The following SCIN variants were observed in gnomAD, a reference collection of about 807,000 sequenced individuals.
SCIN encodes the protein scinderin.
A neutral mutation model predicts 91.8 loss-of-function variants in SCIN; 91 were observed. The observed-to-expected ratio is 0.99, with a 90% CI of 0.84 to 1.18. SCIN has a LOEUF of 1.18. Among genes scored for constraint, SCIN ranks in the 50% most tolerant of loss-of-function variants. SCIN has a pLI of 0.00. For missense variants in SCIN, 1,087 were observed against 863.9 expected, an observed-to-expected ratio of 1.26 and a Z score of -3.24; for synonymous variants, 367 against 312.6, an observed-to-expected ratio of 1.17 and a Z score of -1.84.
chr7:12,622,801 G>T lies in SCIN; in HGVS notation c.667G>T (p.Val223Phe). 9 of 1,611,194 alleles carry T rather than the reference G, an allele frequency of 5.6e-6. No individual in the cohort carries two copies. Among genetic ancestry groups the T allele is most frequent in the Non-Finnish European group, 7.6e-6 (9 of 1,178,162 alleles). ...EGSEPSELIK[V>F]LGEKPELPDG... ...GCATCCACTGCTCACTTTTTTCCAG[G>T]TCTTAGGGGAAAAGCCAGAGCTTCC... Residue 223 changes from valine to phenylalanine, a missense_variant and splice_region_variant, in exon 5 of 16, where the codon GTC (valine) becomes TTC (phenylalanine). Coordinates refer to ENST00000297029, the MANE Select transcript of SCIN (RefSeq NM_001112706.3).
intron 1 of SCIN, among the ~76,000 whole-genome samples, chr7:12,575,301 T>C (rs926630421): frequency 6.6e-6 from 1 of 151,802 alleles, no homozygotes; most frequent in Non-Finnish European, 1.5e-5. Context: ...TGTCTCTAAA[T>C]AGAGACCTTT....
At chr7:12,637,762 T>C (rs962915000) in intron 10 of SCIN, among the ~76,000 whole-genome samples, 3 of 152,118 alleles carry the variant, frequency 2.0e-5, no homozygotes. Context: ...AATGACTGAA[T>C]CCAAATTCAA....
chr7:12,598,799 C>T (rs114257968), intron 3 of SCIN, among the ~76,000 whole-genome samples: 5,169 of 152,092 alleles, frequency 0.034, 317 homozygotes, highest in African/African-American at 0.12. Flanking sequence ...GTCCTACCTA[C>T]TCAGAAGGCT....
intron 12 of SCIN, 113 bp downstream of exon 12, chr7:12,644,428 C>G: frequency 7.0e-7 from 1 of 1,436,836 alleles, no homozygotes. Context: ...TTAACAATCT[C>G]TCCATTAGTT....
chr7:12,655,810 A>C lies in SCIN; in HGVS notation c.*3095A>C, dbSNP rs1194826954. 1 of 152,216 alleles carries C rather than the reference A, an allele frequency of 6.6e-6. No individual in the cohort carries two copies. The highest frequency in any genetic ancestry group is 1.5e-5 in the Non-Finnish European group (1 of 68,042). 9.4% of individuals were successfully genotyped at this position (152,216 alleles called of 1,614,324 possible). ...GAAAGAGATACAGGTGTTCCCTAGC[A>C]AGTTAATATGCTTGTGTCTCTTCAA... is the stretch of plus-strand genomic sequence containing the variant. On this transcript the variant is annotated 3_prime_UTR_variant, in exon 16 of 16. Transcript: ENST00000297029.
chr7:12,620,938 T>C (rs1159261278), intron 4 of SCIN, among the ~76,000 whole-genome samples: 2 of 152,126 alleles, frequency 1.3e-5, no homozygotes, highest in Non-Finnish European at 2.9e-5. Flanking sequence ...GAGGCTTCTC[T>C]GTGTTTGTAC....
intron 4 of SCIN, 144 bp downstream of exon 4, chr7:12,604,807 A>G: frequency 1.5e-6 from 1 of 664,310 alleles, no homozygotes. Flanking sequence ...CCTAGCTACA[A>G]TTAGTAAGAG....
chr7:12,571,148 C>T (rs902691614), intron 1 of SCIN, 163 bp downstream of exon 1: 4 of 743,726 alleles, frequency 5.4e-6, no homozygotes, highest in African/African-American at 1.8e-5. Flanking sequence ...TTCTCCCTAC[C>T]GAAGTCAACT....
At chr7:12,652,567 T>C (rs1784103100) in intron 15 of SCIN, 21 bp from the exon 16 acceptor site, 2 of 1,609,530 alleles carry the variant, frequency 1.2e-6, no homozygotes, top group South Asian at 1.1e-5. Context: ...TGAATTTATA[T>C]GTCTTTACAA....
chr7:12,590,543 A>T (rs2115228200), intron 3 of SCIN, among the ~76,000 whole-genome samples: 1 of 151,430 alleles, frequency 6.6e-6, no homozygotes, highest in South Asian at 2.1e-4. Context: ...CGAGCTTTTG[A>T]TTTTTGACTA....
At chr7:12,644,970 G>A (rs571383950) in intron 13 of SCIN, among the ~76,000 whole-genome samples, 18 of 139,352 alleles carry the variant, frequency 1.3e-4, no homozygotes, top group African/African-American at 3.8e-4. Context: ...AGCCAAGGTC[G>A]CGCCACTCCA....
chr7:12,626,587 C>G lies in SCIN; in HGVS notation c.985C>G (p.Gln329Glu). ...QMNYSKNTQI[Q>E]VLPEGGETPI... ...TTATTATTATTTTAAATTTCAGATT[C>G]AAGTTCTTCCAGAAGGAGGTGAAAC... is the stretch of plus-strand genomic sequence containing the variant. The change falls in exon 8 of 16, where the codon CAA (glutamine) becomes GAA (glutamate). Residue 329 changes from glutamine (Q) to glutamate (E), a missense_variant. Physicochemically the swap from Gln to Glu is conservative, Grantham distance 29. Coordinates refer to ENST00000297029, the MANE Select transcript of SCIN (RefSeq NM_001112706.3). The G allele has an allele frequency of 6.5e-7, 1 of 1,537,732 alleles. No individual in the cohort carries two copies.
At position 12,652,849 on chromosome 7, in the gene SCIN, A is replaced by G. The variant is rs530841256; in HGVS notation, c.*134A>G. 9.3e-5 allele frequency: 98 copies of G among 1,053,204 alleles called. No homozygotes were observed. The highest frequency in any genetic ancestry group is 2.6e-4 in the Admixed American group (10 of 38,724). The allele number at this position is 1,053,204 out of a possible 1,614,324, so 65.2% of individuals were successfully genotyped here. On this transcript the variant is annotated 3_prime_UTR_variant, in exon 16 of 16. Transcript: ENST00000297029. ...CTGGGCGCGGTGGCTCACACCTGTA[A>G]TCCCAGCACTTTGAGAGGATGAGGT... is the stretch of plus-strand genomic sequence containing the variant.
intron 4 of SCIN, among the ~76,000 whole-genome samples, chr7:12,619,844 A>G (rs1783371566): frequency 6.6e-6 from 1 of 152,134 alleles, no homozygotes; most frequent in Non-Finnish European, 1.5e-5. Context: ...GGGCCTCACC[A>G]TAGACCTGTT....
rs896836989 is a variant in SCIN at position 12,656,513 on chromosome 7, C to T, written c.*3798C>T. The T allele has an allele frequency of 6.6e-6, 1 of 152,132 alleles. No individual in the cohort carries two copies. Among genetic ancestry groups the T allele is most frequent in the South Asian group, 2.1e-4 (1 of 4,824 alleles). The allele number at this position is 152,132 out of a possible 1,614,324, so 9.4% of individuals were successfully genotyped here. A position where few individuals can be genotyped will look rare whatever the true frequency, so the allele number is the denominator to read the frequency against. ...TGAATTTAAAAGCCTACAAATGCCC[C>T]GCATATGTAGAATTATCATTCATTC... On this transcript the variant is annotated 3_prime_UTR_variant, in exon 16 of 16. Transcript: ENST00000297029.
chr7:12,613,566 C>T (rs780256210), intron 4 of SCIN, among the ~76,000 whole-genome samples: 1 of 152,006 alleles, frequency 6.6e-6, no homozygotes, highest in Admixed American at 6.6e-5. Context: ...AAAATGGTGG[C>T]CACCTGGATT....
chr7:12,622,319 T>C (rs1344182526), intron 4 of SCIN, among the ~76,000 whole-genome samples: 1 of 152,118 alleles, frequency 6.6e-6, no homozygotes, highest in Admixed American at 6.6e-5. Flanking sequence ...ATGATTTGGG[T>C]GATCAAGAGC....
intron 3 of SCIN, chr7:12,589,149 A>G (rs1782661035): frequency 6.6e-6 from 1 of 151,306 alleles, no homozygotes; most frequent in Non-Finnish European, 1.5e-5. Flanking sequence ...GGCAGTAGCC[A>G]GGGTGCCCAG....
chr7:12,582,205 A>T (rs1306466677), intron 3 of SCIN, among the ~76,000 whole-genome samples: 1 of 152,218 alleles, frequency 6.6e-6, no homozygotes, highest in Non-Finnish European at 1.5e-5. Context: ...AGCATATCTG[A>T]TTCCCCACGA....
Sources: allele counts gnomAD v4.1 joint callset (sites outside exome capture counted in the v4.1 genomes callset), GRCh38; gene constraint gnomAD v4.1.1; transcripts MANE v1.5; gene names NCBI Gene and HGNC (gene_info 2026-07-23, HGNC 2026-07-21).